The following LYST variants were observed in gnomAD, a reference collection of about 807,000 sequenced individuals.
LYST encodes lysosomal-trafficking regulator.
In LYST, 192 loss-of-function variants were observed where a neutral mutation model predicts 413.6. The ratio of observed to expected loss-of-function variants is 0.46; its 90% CI spans 0.41 to 0.52. The LOEUF (loss-of-function observed/expected upper bound fraction) is 0.52, where lower values mean the gene tolerates loss of function less well. Among genes scored for constraint, LYST ranks in the 20% least tolerant of loss-of-function variants. LYST has a pLI of 0.00. For synonymous variants in LYST, 1,525 were observed against 1,567.3 expected (o/e 0.97, Z 0.64); for missense variants, 3,815 against 4,499.9 (o/e 0.85, Z 4.35).
At chr1:235,788,631 A>T (rs1218332017) in intron 13 of LYST, 70 bp downstream of exon 13, 1 of 1,455,482 alleles carries the variant, frequency 6.9e-7, no homozygotes, top group Non-Finnish European at 9.6e-7. Flanking sequence ...AGTAGATTTC[A>T]CATTAATGTC....
intron 48 of LYST, among the ~76,000 whole-genome samples, chr1:235,682,208 G>A (rs1659877030): frequency 6.6e-6 from 1 of 152,144 alleles, no homozygotes; most frequent in Admixed American, 6.5e-5. Context: ...CTATTGGTAG[G>A]GGGTCGGGGA....
At chr1:235,769,775 G>A (rs1037612620) in intron 20 of LYST, among the ~76,000 whole-genome samples, 14 of 152,102 alleles carry the variant, frequency 9.2e-5, no homozygotes, top group Middle Eastern at 3.4e-3. Flanking sequence ...AAAATAGACC[G>A]TTAGCAAGTT....
rs991694280 is a variant in LYST at position 235,764,276 on chromosome 1, G to A, written c.6122-1425C>T. Among the ~76,000 whole-genome samples the A allele has an allele frequency of 2.0e-5, 3 of 151,996 alleles. No homozygotes were observed. In the South Asian group the frequency reaches 6.2e-4, roughly 31 times the overall value. ...GCTTTCCACGTGGCATGATATAATC[G>A]TTTCTTTATCCTCTTTCCCTCAACT... is the stretch of plus-strand genomic sequence containing the variant. On this transcript the variant is annotated intron_variant, in intron 21 of 52. Transcript: ENST00000389793.
Position 235,674,020 on chromosome 1 carries a change from C to T in LYST, c.11038+3071G>A, listed in dbSNP as rs1168741592. On this transcript the variant is annotated intron_variant, in intron 50 of 52. Coordinates refer to ENST00000389793, the MANE Select transcript of LYST (RefSeq NM_000081.4). The surrounding 1 kb of genome is among the most constrained non-coding windows in gnomAD (Gnocchi z 4.1). ...CCACAGAATATGAACTGCATAGCAG[C>T]TCTCTTCCAAGACCCCACAGCCCGG... is the stretch of plus-strand genomic sequence containing the variant. Among the ~76,000 whole-genome samples, 1 of 152,178 alleles carries T rather than the reference C, an allele frequency of 6.6e-6. No individual in the cohort carries two copies. Among genetic ancestry groups the T allele is most frequent in the African/African-American group, 2.4e-5 (1 of 41,446 alleles).
At position 235,792,177 on chromosome 1, in the gene LYST, T is replaced by C. The variant is rs192218532; in HGVS notation, c.4117-52A>G. The C allele has an allele frequency of 6.1e-4, 722 of 1,187,802 alleles. 5 individuals carry two copies. The African/African-American group carries it at 1.0e-2, about 16-fold the overall frequency. The allele number at this position is 1,187,802 out of a possible 1,614,324, so 73.6% of individuals were successfully genotyped here. On this transcript the variant is annotated intron_variant, in intron 11 of 52. Coordinates refer to ENST00000389793, the MANE Select transcript of LYST (RefSeq NM_000081.4). ...CTTTCTAATCACGTAATAAAGTACATAATAATCTTGAAATTTAGGTTATAA... is the reference window on the plus strand; with the variant it reads ...CTTTCTAATCACGTAATAAAGTACACAATAATCTTGAAATTTAGGTTATAA...
At chr1:235,800,247 G>T (rs1405749298) in intron 10 of LYST, 73 bp downstream of exon 10, 3 of 1,027,622 alleles carry the variant, frequency 2.9e-6, no homozygotes, top group African/African-American at 1.6e-5. Flanking sequence ...ACCACACCTG[G>T]CCAGAAGCCA....
chr1:235,742,344 A>G lies in LYST; in HGVS notation c.8152-716T>C, dbSNP rs546006283. On this transcript the variant is annotated intron_variant, in intron 30 of 52. Coordinates refer to ENST00000389793, the MANE Select transcript of LYST (RefSeq NM_000081.4). Reference sequence around the variant, plus strand: ...GTGGTGGGTGCCTGTAATCCCAGCTACTTGGGAAGGTGAGGTAGGAGAATC... The same window carrying G: ...GTGGTGGGTGCCTGTAATCCCAGCTGCTTGGGAAGGTGAGGTAGGAGAATC... 7.9e-5 allele frequency among the ~76,000 whole-genome samples: 12 copies of G among 151,930 alleles called. No homozygotes were observed. The South Asian group carries it at 2.5e-3, about 32-fold the overall frequency.
chr1:235,789,517 A>G (rs1024807355), intron 12 of LYST, among the ~76,000 whole-genome samples: 1 of 152,204 alleles, frequency 6.6e-6, no homozygotes, highest in Admixed American at 6.5e-5. Flanking sequence ...TTGTCATTAT[A>G]ATACATGTGA....
In LYST at chr1:235,700,146, T is replaced by C. The variant is rs183646638; in HGVS notation, c.10374+2601A>G. ...ACCATAAAAACCTTAGAAGAAAATC[T>C]AGGCAATACCATTCAGGACATAGGC... On this transcript the variant is annotated intron_variant, in intron 45 of 52. Transcript: ENST00000389793. Among the ~76,000 whole-genome samples the C allele has an allele frequency of 2.9e-3, 435 of 152,198 alleles. 2 individuals are homozygous for C. The highest frequency in any genetic ancestry group is 1.0e-2 in the African/African-American group (414 of 41,526).
In LYST at chr1:235,791,713, C is replaced by G. The variant is rs1374314042; in HGVS notation, c.4529G>C (p.Ser1510Thr). 10 of 1,611,220 alleles carry G rather than the reference C, an allele frequency of 6.2e-6. No homozygotes were observed. In the East Asian group the frequency reaches 1.3e-4, roughly 22 times the overall value. The change falls in exon 12 of 53, where the codon AGT becomes ACT. Residue 1510 changes from serine to threonine, a missense_variant. Ser to Thr is a moderately conservative substitution (Grantham distance 58, BLOSUM62 1). This residue lies in a region of LYST where 1,648 missense variants were observed against 1,810.3 expected (regional missense o/e 0.91). Transcript: ENST00000389793. ...TGTCATCATACCTGTACCATCAAAA[C>G]TGCTATCTGGTAAAATTAATGATTT... ...RNKSLILPDS[S>T]FDGTESDRPE...
chr1:235,700,023 C>T (rs1661418814), intron 45 of LYST, among the ~76,000 whole-genome samples: 1 of 152,132 alleles, frequency 6.6e-6, no homozygotes, highest in African/African-American at 2.4e-5. Context: ...GCTGGGAAAA[C>T]TGGCTAGCCA....
chr1:235,681,638 C>T (rs1204422410), intron 48 of LYST, among the ~76,000 whole-genome samples: 1 of 152,070 alleles, frequency 6.6e-6, no homozygotes, highest in East Asian at 1.9e-4. Context: ...CTGGAGGAGA[C>T]AGGTTTGACT....
intron 10 of LYST, among the ~76,000 whole-genome samples, chr1:235,799,777 C>G (rs1268599050): frequency 6.6e-6 from 1 of 151,768 alleles, no homozygotes; most frequent in Admixed American, 6.6e-5. Context: ...TGTATAAGAC[C>G]CTGAACAACT....
Position 235,806,330 on chromosome 1 carries a change from G to T in LYST, c.2806C>A (p.Pro936Thr), listed in dbSNP as rs750810868. ...ATACATGGCAGCATATGACTTAAAG[G>T]CTCGCTGGCTGTGCTGTCATAGCCA... is the stretch of plus-strand genomic sequence containing the variant. ...TSGYDSTASE[P>T]LSHMLPCISL... The change falls in exon 6 of 53, where the codon CCT becomes ACT. Residue 936 changes from proline to threonine, a missense_variant. By Grantham distance (38) the Pro-to-Thr change is conservative. Coordinates refer to ENST00000389793, the MANE Select transcript of LYST (RefSeq NM_000081.4). The T allele has an allele frequency of 3.2e-5, 51 of 1,613,816 alleles. No homozygotes were observed. Among genetic ancestry groups the T allele is most frequent in the Non-Finnish European group, 4.3e-5 (51 of 1,179,984 alleles).
rs369438958 is a variant in LYST at position 235,803,882 on chromosome 1, G to C, written c.3555+622C>G. Among the ~76,000 whole-genome samples, 7 of 151,970 alleles carry C rather than the reference G, an allele frequency of 4.6e-5. No homozygotes were observed. In the South Asian group the frequency reaches 1.2e-3, roughly 27 times the overall value. Reference sequence around the variant, plus strand: ...ATATGGCTAGATCAAGGAGCTAAAAGGAGAAGTTATATAAAAAATAAAGGA... The same window carrying C: ...ATATGGCTAGATCAAGGAGCTAAAACGAGAAGTTATATAAAAAATAAAGGA... On this transcript the variant is annotated intron_variant, in intron 7 of 52. Coordinates refer to ENST00000389793, the MANE Select transcript of LYST (RefSeq NM_000081.4).
chr1:235,738,239 CAA>C, intron 31 of LYST: 1 of 1,610,866 alleles, frequency 6.2e-7, no homozygotes, highest in East Asian at 2.2e-5. Flanking sequence ...TTGTCTCTGG[CAA>C]AGACTATACT....
At chr1:235,764,622 C>A (rs1342663521) in intron 21 of LYST, among the ~76,000 whole-genome samples, 1 of 151,244 alleles carries the variant, frequency 6.6e-6, no homozygotes, top group East Asian at 1.9e-4. Context: ...GCCTCAGCCT[C>A]CCAAGTAGCT....
At chr1:235,846,223 G>A (rs61542395) in intron 1 of LYST, among the ~76,000 whole-genome samples, 71,550 of 151,886 alleles carry the variant, frequency 0.47, 18,879 homozygotes, top group African/African-American at 0.7. Flanking sequence ...CCCCAGTACC[G>A]GCCTGGAGCC....
Position 235,753,286 on chromosome 1 carries a change from A to G in LYST, c.7230-12T>C. 7.0e-7 allele frequency: 1 copy of G among 1,437,936 alleles called. No individual in the cohort carries two copies. Among genetic ancestry groups the G allele is most frequent in the East Asian group, 2.3e-5 (1 of 43,860 alleles). 89.1% of individuals were successfully genotyped at this position (1,437,936 alleles called of 1,614,324 possible). On this transcript the variant is annotated splice_polypyrimidine_tract_variant and intron_variant, in intron 25 of 52. Transcript: ENST00000389793. The stretch of plus-strand genomic sequence containing the variant: ...CTTCCAGATCAAATCTATAATAAAT[A>G]ATACAGTTAAGAGCACATTAGAAAC...
Sources: allele counts gnomAD v4.1 joint callset (sites outside exome capture counted in the v4.1 genomes callset), GRCh38; gene constraint gnomAD v4.1.1; regional missense constraint gnomAD v4.1.1; non-coding constraint Gnocchi (gnomAD v3.1); transcripts MANE v1.5; gene names NCBI Gene and HGNC (gene_info 2026-07-23, HGNC 2026-07-21).